Variants in SMYD3 observed in about 807,000 individuals in gnomAD.
The protein encoded by SMYD3 is SET and MYND domain containing 3, also known as histone-lysine N-methyltransferase SMYD3.
Under a neutral mutation model 57.7 loss-of-function variants are expected in SMYD3, and 36 were observed. That is an observed-to-expected ratio of 0.62 (90% CI 0.48 to 0.82). The LOEUF (loss-of-function observed/expected upper bound fraction) is 0.82. Ranked by LOEUF, SMYD3 falls within the 40% of genes least tolerant of loss-of-function variation. SMYD3 has a pLI of 0.00. For missense variants in SMYD3, 515 were observed against 538.8 expected (o/e 0.96, Z 0.44); for synonymous variants, 211 against 195.0 (o/e 1.08, Z -0.68).
intron 1 of SMYD3, among the ~76,000 whole-genome samples, chr1:246,462,462 T>G (rs954668785): frequency 6.6e-6 from 1 of 152,136 alleles, no homozygotes; most frequent in African/African-American, 2.4e-5. Flanking sequence ...CCCCCGACTG[T>G]GCCACTGTGT....
chr1:246,070,113 G>A (rs950842187), intron 5 of SMYD3, among the ~76,000 whole-genome samples: 1 of 152,142 alleles, frequency 6.6e-6, no homozygotes, highest in Non-Finnish European at 1.5e-5. Context: ...GGAACTTAGA[G>A]AGTCAAAGAC....
At chr1:246,257,408 CTTT>C (rs1357982458) in intron 5 of SMYD3, among the ~76,000 whole-genome samples, 21 of 152,258 alleles carry the variant, frequency 1.4e-4, no homozygotes, top group Non-Finnish European at 2.8e-4. Flanking sequence ...TAATGCCTTT[CTTT>C]GTCCTTTTTT....
chr1:245,945,665 G>A (rs2057406559), intron 5 of SMYD3, among the ~76,000 whole-genome samples: 1 of 152,164 alleles, frequency 6.6e-6, no homozygotes, highest in Non-Finnish European at 1.5e-5. Flanking sequence ...ATACATGCAT[G>A]TCTATTTTCT....
chr1:246,222,136 A>G (rs768367949), intron 5 of SMYD3, among the ~76,000 whole-genome samples: 2 of 152,148 alleles, frequency 1.3e-5, no homozygotes, highest in Non-Finnish European at 2.9e-5. Flanking sequence ...GGAGTCTAAC[A>G]GATAAAATAT....
intron 4 of SMYD3, among the ~76,000 whole-genome samples, chr1:246,327,669 A>C (rs945881054): frequency 6.6e-6 from 1 of 152,242 alleles, no homozygotes; most frequent in Non-Finnish European, 1.5e-5. Flanking sequence ...AACAATTATC[A>C]GTTCTTATTA....
intron 1 of SMYD3, among the ~76,000 whole-genome samples, chr1:246,386,485 A>G (rs2066482312): frequency 6.6e-6 from 1 of 152,152 alleles, no homozygotes; most frequent in African/African-American, 2.4e-5. Flanking sequence ...AAGAGGCGCT[A>G]AAGTTGATAA....
At chr1:245,954,097 T>G (rs2057753062) in intron 5 of SMYD3, among the ~76,000 whole-genome samples, 1 of 152,352 alleles carries the variant, frequency 6.6e-6, no homozygotes, top group Middle Eastern at 3.4e-3. Context: ...AACTCACTGA[T>G]GTAATTAAAT....
At chr1:246,139,728 C>G (rs1389945014) in intron 5 of SMYD3, among the ~76,000 whole-genome samples, 4 of 152,154 alleles carry the variant, frequency 2.6e-5, no homozygotes, top group Non-Finnish European at 5.9e-5. Flanking sequence ...TTATAGAAGG[C>G]CTTAATGACA....
At chr1:246,448,702 TTTAAAA>T (rs1207853372) in intron 1 of SMYD3, among the ~76,000 whole-genome samples, 1 of 92,896 alleles carries the variant, frequency 1.1e-5, no homozygotes, top group African/African-American at 5.4e-5. Context: ...ATCTCTTTTT[TTTAAAA>T]AAAAAAAAAA....
intron 5 of SMYD3, among the ~76,000 whole-genome samples, chr1:246,302,653 A>G (rs1148716): frequency 0.45 from 68,550 of 151,838 alleles, 16,346 homozygotes; most frequent in East Asian, 0.82. Context: ...CAAATTGGAC[A>G]GTTCATGCTT....
intron 5 of SMYD3, among the ~76,000 whole-genome samples, chr1:246,022,889 A>G (rs2059497595): frequency 6.6e-6 from 1 of 152,224 alleles, no homozygotes; most frequent in Non-Finnish European, 1.5e-5. Context: ...TAGCAACCTT[A>G]ACTCTAGATT....
intron 10 of SMYD3, among the ~76,000 whole-genome samples, chr1:245,821,694 T>A (rs1477610111): frequency 6.7e-6 from 1 of 150,142 alleles, no homozygotes; most frequent in Admixed American, 6.7e-5. Flanking sequence ...TCAAACAAAT[T>A]TACAAGAAAA....
At chr1:245,860,694 T>G (rs922623107) in intron 9 of SMYD3, among the ~76,000 whole-genome samples, 1 of 152,236 alleles carries the variant, frequency 6.6e-6, no homozygotes, top group African/African-American at 2.4e-5. Flanking sequence ...TCATCTGACA[T>G]GTATGTTCAA....
chr1:246,474,892 AGGACT>A (rs2068007841), intron 1 of SMYD3, among the ~76,000 whole-genome samples: 1 of 152,190 alleles, frequency 6.6e-6, no homozygotes, highest in Non-Finnish European at 1.5e-5. Flanking sequence ...CCTTGTAGCT[AGGACT>A]GGTAAGAACT....
chr1:246,148,466 C>G (rs1036318371), intron 5 of SMYD3, among the ~76,000 whole-genome samples: 2 of 152,162 alleles, frequency 1.3e-5, no homozygotes, highest in Non-Finnish European at 2.9e-5. Context: ...CAATAAAGCT[C>G]CTCTTCATCT....
intron 5 of SMYD3, among the ~76,000 whole-genome samples, chr1:246,002,996 C>T (rs1233930504): frequency 6.6e-6 from 1 of 151,996 alleles, no homozygotes; most frequent in African/African-American, 2.4e-5. Flanking sequence ...TACCACCGCA[C>T]GATGTAAGTG....
intron 5 of SMYD3, among the ~76,000 whole-genome samples, chr1:246,292,318 A>C (rs1253424029): frequency 6.6e-6 from 1 of 151,892 alleles, no homozygotes; most frequent in Non-Finnish European, 1.5e-5. Flanking sequence ...CCAGCATCTT[A>C]GACTTACTAT....
chr1:246,376,757 T>C (rs1401446721), intron 1 of SMYD3, among the ~76,000 whole-genome samples: 1 of 152,020 alleles, frequency 6.6e-6, no homozygotes, highest in East Asian at 1.9e-4. Flanking sequence ...TTAGGTCGAC[T>C]TCTCTACTGA....
intron 6 of SMYD3, among the ~76,000 whole-genome samples, chr1:245,929,122 G>C (rs2056565208): frequency 2.0e-5 from 3 of 152,226 alleles, no homozygotes; most frequent in African/African-American, 7.2e-5. Context: ...CTAGTAAGTG[G>C]TGATGGAATT....
Sources: gnomAD v4.1 joint callset for allele counts (sites outside exome capture counted in the v4.1 genomes callset) on GRCh38, gnomAD v4.1.1 for gene constraint, MANE v1.5 for transcripts, NCBI Gene and HGNC (gene_info 2026-07-23, HGNC 2026-07-21) for gene names.